The following CBR4 variants were observed in gnomAD, a reference collection of about 807,000 sequenced individuals.
CBR4 encodes carbonyl reductase 4, also known as 3-oxoacyl-[acyl-carrier-protein] reductase.
A neutral mutation model predicts 21.0 loss-of-function variants in CBR4; 22 were observed. The ratio of observed to expected loss-of-function variants is 1.05; its 90% confidence interval spans 0.75 to 1.50. The LOEUF (loss-of-function observed/expected upper bound fraction) is 1.50, where lower values mean the gene tolerates loss of function less well. CBR4 is among the 40% of genes most tolerant of loss of function. CBR4 has a pLI of 0.00. For synonymous variants in CBR4, 100 were observed against 104.4 expected (o/e 0.96, Z 0.26); for missense variants, 302 against 286.3 (o/e 1.05, Z -0.40).
chr4:168,899,425 TA>T (rs1259521087), intron 2 of CBR4, among the ~76,000 whole-genome samples: 3 of 152,174 alleles, frequency 2.0e-5, no homozygotes, highest in Non-Finnish European at 2.9e-5. Context: ...TTAAAACCCC[TA>T]AACTACACTA....
Position 168,925,176 on chromosome 4 carries a change from A to T in CBR4, n.170-30411T>A, listed in dbSNP as rs1457365128. ...ATCACATTACTCTTTATAAACAACT[A>T]TTGTGTTTTATTTGTCAAAAAAATT... is the stretch of plus-strand genomic sequence containing the variant. On this transcript the variant is annotated intron_variant and non_coding_transcript_variant, in intron 2 of 3. Coordinates refer to the CBR4 transcript ENST00000509108. 7.6e-6 allele frequency: 12 copies of T among 1,574,920 alleles called. No individual in the cohort carries two copies. The Admixed American group carries it at 8.5e-5, about 11-fold the overall frequency.
At position 168,988,297 on chromosome 4, in the gene CBR4, G is replaced by A. The variant is rs2126799624; in HGVS notation, c.*1853C>T. The A allele has an allele frequency of 1.0e-6, 1 of 984,822 alleles. No individual in the cohort carries two copies. Among genetic ancestry groups the A allele is most frequent in the Non-Finnish European group, 1.2e-6 (1 of 829,450 alleles). The allele number at this position is 984,822 out of a possible 1,614,324, so 61.0% of individuals were successfully genotyped here. The stretch of plus-strand genomic sequence containing the variant: ...GGGGAGGAGGTGGAATAGCTTAAAA[G>A]GTTATATTTCTTATTTTAAAGTATA... On this transcript the variant is annotated 3_prime_UTR_variant, in exon 5 of 5. Transcript: ENST00000306193.
chr4:168,934,282 C>CAAAAAAA (rs60538970), intron 2 of CBR4, among the ~76,000 whole-genome samples: 3 of 18,196 alleles, frequency 1.6e-4, no homozygotes, highest in East Asian at 2.3e-3. Flanking sequence ...GCAAAAAAAA[C>CAAAAAAA]AAAAAAAAAA....
In CBR4 at chr4:168,914,090, G is replaced by C. The variant is rs1454886848; in HGVS notation, n.170-19325C>G. 1.5e-5 allele frequency: 14 copies of C among 952,714 alleles called. No individual in the cohort carries two copies. The East Asian group carries it at 3.1e-4, about 21-fold the overall frequency. 59.0% of individuals were successfully genotyped at this position (952,714 alleles called of 1,614,324 possible). Reference sequence around the variant, plus strand: ...TATTACTATAAATGTAGTACTATTAGAATCATCATATGACCACAAAAGTAA... The same window carrying C: ...TATTACTATAAATGTAGTACTATTACAATCATCATATGACCACAAAAGTAA... On this transcript the variant is annotated intron_variant and non_coding_transcript_variant, in intron 2 of 3. Coordinates refer to the CBR4 transcript ENST00000509108.
chr4:168,941,322 T>A (rs911445311), intron 2 of CBR4, among the ~76,000 whole-genome samples: 1 of 151,934 alleles, frequency 6.6e-6, no homozygotes, highest in Non-Finnish European at 1.5e-5. Flanking sequence ...TAAAGTACAA[T>A]AAAAAAATTT....
At chr4:168,992,105 T>C (rs968703596) in intron 4 of CBR4, among the ~76,000 whole-genome samples, 11 of 152,250 alleles carry the variant, frequency 7.2e-5, no homozygotes, top group Admixed American at 2.0e-4. Context: ...CTACGCATTT[T>C]CTTAAAAGTC....
Position 168,988,990 on chromosome 4 carries a change from C to A in CBR4, c.*1160G>T, listed in dbSNP as rs763260603. On this transcript the variant is annotated 3_prime_UTR_variant, in exon 5 of 5. Transcript: ENST00000306193. ...TATTCCCGATAAAAAGAGTTTAATG[C>A]AAAATAATTATTACCTGGTATTTCA... 9 of 982,888 alleles carry A rather than the reference C, an allele frequency of 9.2e-6. No individual in the cohort carries two copies. The highest frequency in any genetic ancestry group is 1.1e-5 in the Non-Finnish European group (9 of 827,774). The allele number at this position is 982,888 out of a possible 1,614,324, so 60.9% of individuals were successfully genotyped here.
At chr4:168,908,129 A>G (rs2151354096) in intron 2 of CBR4, among the ~76,000 whole-genome samples, 2 of 152,312 alleles carry the variant, frequency 1.3e-5, no homozygotes, top group African/African-American at 4.8e-5. Flanking sequence ...CAAGTTTCTG[A>G]GCATGTTGCC....
chr4:168,985,846 A>C (rs1050991050), downstream of CBR4, among the ~76,000 whole-genome samples: 1 of 152,154 alleles, frequency 6.6e-6, no homozygotes, highest in African/African-American at 2.4e-5. Flanking sequence ...AATAAGTGGG[A>C]GCTAAACCCT....
intron 2 of CBR4, among the ~76,000 whole-genome samples, chr4:168,968,052 C>G (rs1172198338): frequency 2.0e-5 from 3 of 150,924 alleles, no homozygotes; most frequent in African/African-American, 7.3e-5. Flanking sequence ...CTCCTCTACT[C>G]TCCTCAAACA....
intron 4 of CBR4, among the ~76,000 whole-genome samples, chr4:168,992,388 T>C (rs181534904): frequency 7.2e-5 from 11 of 152,216 alleles, no homozygotes; most frequent in East Asian, 3.9e-4. Flanking sequence ...AATTACCTAA[T>C]AGGTACAATG....
chr4:168,960,957 G>A (rs1763832915), intron 2 of CBR4, among the ~76,000 whole-genome samples: 1 of 152,144 alleles, frequency 6.6e-6, no homozygotes, highest in Admixed American at 6.5e-5. Flanking sequence ...AAATCTGAAT[G>A]AGCTCTATCC....
Position 168,977,235 on chromosome 4 carries a change from T to C in CBR4, n.169+24836A>G, listed in dbSNP as rs113353971. Among the ~76,000 whole-genome samples, 146 of 152,100 alleles carry C rather than the reference T, an allele frequency of 9.6e-4. 1 individual carries two copies. The highest frequency in any genetic ancestry group is 3.4e-3 in the African/African-American group (140 of 41,348). ...AGCATCTCCCCCACAAAAACAATTCTTATTGAAGTTACCAATGATTTTCTT... is the reference window on the plus strand; with the variant it reads ...AGCATCTCCCCCACAAAAACAATTCCTATTGAAGTTACCAATGATTTTCTT... On this transcript the variant is annotated intron_variant and non_coding_transcript_variant, in intron 2 of 3. Transcript: ENST00000509108.
intron 2 of CBR4, among the ~76,000 whole-genome samples, chr4:168,977,605 C>A (rs1025170647): frequency 2.0e-5 from 3 of 152,200 alleles, no homozygotes; most frequent in Non-Finnish European, 4.4e-5. Context: ...TGTTTCTACA[C>A]AGATGATATA....
chr4:168,969,650 G>C (rs1209426703), intron 2 of CBR4, among the ~76,000 whole-genome samples: 1 of 152,108 alleles, frequency 6.6e-6, no homozygotes, highest in African/African-American at 2.4e-5. Context: ...AAGGAATGCA[G>C]GCAGCCTCTA....
chr4:168,926,474 A>ATACC, intron 2 of CBR4: 2 of 888,474 alleles, frequency 2.3e-6, no homozygotes, highest in Non-Finnish European at 3.4e-6. Context: ...AGGCAGAAAC[A>ATACC]TACCTTTGAC....
chr4:168,996,624 T>G (rs191225004), intron 4 of CBR4, among the ~76,000 whole-genome samples: 62 of 152,330 alleles, frequency 4.1e-4, no homozygotes, highest in African/African-American at 1.4e-3. Context: ...GTTCTACAGG[T>G]TTGGACAAAT....
chr4:168,926,682 G>A (rs778200940), intron 2 of CBR4: 22 of 350,880 alleles, frequency 6.3e-5, no homozygotes, highest in Admixed American at 2.6e-4. Flanking sequence ...ATTGTTCACA[G>A]GTAACTACAA....
intron 2 of CBR4, among the ~76,000 whole-genome samples, chr4:168,902,605 G>A (rs533850159): frequency 6.7e-4 from 102 of 152,078 alleles, no homozygotes; most frequent in Non-Finnish European, 1.2e-3. Context: ...CTGCACCACC[G>A]CACTCTGCAC....
Sources: allele counts gnomAD v4.1 joint callset (sites outside exome capture counted in the v4.1 genomes callset), GRCh38; gene constraint gnomAD v4.1.1; transcripts MANE v1.5; gene names NCBI Gene and HGNC (gene_info 2026-07-23, HGNC 2026-07-21).